ZNF511: variants seen among roughly 807,000 people sequenced by gnomAD.
ZNF511 encodes the protein zinc finger protein 511.
Under a neutral mutation model 24.8 loss-of-function variants are expected in ZNF511, and 26 were observed. That is an observed-to-expected ratio of 1.05 (90% CI 0.77 to 1.46). The LOEUF (loss-of-function observed/expected upper bound fraction) is 1.46, where lower values mean the gene tolerates loss of function less well. Ranked by LOEUF, ZNF511 falls within the 40% of genes most tolerant of loss-of-function variation. ZNF511 has a pLI of 0.00. For missense variants in ZNF511, 358 were observed against 345.0 expected, an observed-to-expected ratio of 1.04 and a Z score of -0.30; for synonymous variants, 144 against 139.6, an observed-to-expected ratio of 1.03 and a Z score of -0.22.
chr10:133,310,312 C>T lies in ZNF511; in HGVS notation c.554+24C>T, dbSNP rs1456513183. ...AGGTAGGGAGCCGCCAGGCTCAGCA[C>T]GTGTCTGCTTTTGATTTTAGGAAAA... On this transcript the variant is annotated intron_variant, in intron 4 of 5. Transcript: ENST00000361518. 5.0e-6 allele frequency: 8 copies of T among 1,612,654 alleles called. No homozygotes were observed. The Middle Eastern group carries it at 6.6e-4, about 133-fold the overall frequency.
rs554830924 is a variant in ZNF511, at chr10:133,309,063, C to T, written c.120C>T (p.Pro40=). 7.7e-6 allele frequency: 10 copies of T among 1,293,940 alleles called. No individual in the cohort carries two copies. The highest frequency in any genetic ancestry group is 6.0e-5 in the East Asian group (2 of 33,318). The allele number at this position is 1,293,940 out of a possible 1,614,324, so 80.2% of individuals were successfully genotyped here. A position where few individuals can be genotyped will look rare whatever the true frequency, so the allele number is the denominator to read the frequency against. ...CGCCCTTTCGCTTCGTTGCGCGCCC[C>T]GTGCGCTTCCCGCGGGAGCACCAGT... The part of the protein sequence containing the change: ...GAAPFRFVAR[P]VRFPREHQFF... The change falls in exon 1 of 6, where the codon CCC becomes CCT. Residue 40 remains proline, a synonymous_variant. Transcript: ENST00000361518.
intron 5 of ZNF511, chr10:133,312,056 C>G (rs1479830224): frequency 1.4e-6 from 2 of 1,478,936 alleles, no homozygotes; most frequent in African/African-American, 2.8e-5. Flanking sequence ...GCCATTGAAG[C>G]GCAGGAATGC....
rs1448392125 is a variant in ZNF511, at chr10:133,312,791, AC to A, written c.687del (p.Ser230LeufsTer72). On this transcript the variant is annotated frameshift_variant, in exon 6 of 6. Transcript: ENST00000361518. LOFTEE classifies it high-confidence loss of function. ...TAGAAACTTTCTTCCATCCCAGAAT[AC>A]CCTCTACCATCTGCTTTGGTCAGGG... ...GERRIYRHRI[P>X]STICFGQGAA... 3.1e-6 allele frequency: 5 copies of A among 1,614,186 alleles called. No individual in the cohort carries two copies. The Admixed American group carries it at 8.3e-5, about 27-fold the overall frequency.
Position 133,309,032 on chromosome 10 carries a change from G to T in ZNF511, c.89G>T (p.Gly30Val), listed in dbSNP as rs1484344799. ...CCTGTAGAGCGGGATCCCGCGGCTG[G>T]GGCCGCGCCCTTTCGCTTCGTTGCG... ...PLPVERDPAA[G>V]AAPFRFVARP... The change falls in exon 1 of 6, where the codon GGG (glycine) becomes GTG (valine). Residue 30 changes from glycine (G) to valine (V), a missense_variant. By Grantham distance (109) the Gly-to-Val change is moderately radical (BLOSUM62 -3). Transcript: ENST00000361518. 7.9e-7 allele frequency: 1 copy of T among 1,265,584 alleles called. No homozygotes were observed. Among genetic ancestry groups the T allele is most frequent in the African/African-American group, 1.5e-5 (1 of 64,654 alleles). The allele number at this position is 1,265,584 out of a possible 1,614,324, so 78.4% of individuals were successfully genotyped here.
In ZNF511 at chr10:133,310,297, C is replaced by T. The variant is rs369793749; in HGVS notation, c.554+9C>T. 1 of 1,613,728 alleles carries T rather than the reference C, an allele frequency of 6.2e-7. No homozygotes were observed. Among genetic ancestry groups the T allele is most frequent in the African/African-American group, 1.3e-5 (1 of 75,064 alleles). On this transcript the variant is annotated intron_variant, in intron 4 of 5. Coordinates refer to ENST00000361518, the MANE Select transcript of ZNF511 (RefSeq NM_145806.4). ...CCAAAGAAAAGCAGAAGGTAGGGAG[C>T]CGCCAGGCTCAGCACGTGTCTGCTT...
rs955802804 is a variant in ZNF511, at chr10:133,312,590, G to A, written c.681-198G>A. On this transcript the variant is annotated intron_variant, in intron 5 of 5. Transcript: ENST00000361518. ...AGTTCTTCCCAGCGGGTGTGCGTTG[G>A]TGGCTGGCGGGGACCCCCCACAGGA... 55 of 1,468,874 alleles carry A rather than the reference G, an allele frequency of 3.7e-5. No homozygotes were observed. The Middle Eastern group carries it at 1.5e-3, about 39-fold the overall frequency. The allele number at this position is 1,468,874 out of a possible 1,614,324, so 91.0% of individuals were successfully genotyped here.
At chr10:133,309,198 G>T in intron 1 of ZNF511, 102 bp downstream of exon 1, 1 of 1,374,736 alleles carries the variant, frequency 7.3e-7, no homozygotes, top group South Asian at 1.6e-5. Flanking sequence ...ACGACTGCGG[G>T]GCGGGGCCGG....
intron 4 of ZNF511, 78 bp from the exon 5 acceptor site, chr10:133,311,638 T>C (rs1231101957): frequency 2.4e-6 from 3 of 1,257,460 alleles, no homozygotes; most frequent in Non-Finnish European, 3.4e-6. Flanking sequence ...CCAGTTTCTT[T>C]CTTGCATGTT....
Position 133,312,781 on chromosome 10 carries a change from A to G in ZNF511, c.681-7A>G, listed in dbSNP as rs778814760. On this transcript the variant is annotated splice_polypyrimidine_tract_variant and splice_region_variant and intron_variant, in intron 5 of 5. Coordinates refer to ENST00000361518, the MANE Select transcript of ZNF511 (RefSeq NM_145806.4). ...CAGCATCTAATAGAAACTTTCTTCC[A>G]TCCCAGAATACCCTCTACCATCTGC... 7 of 1,614,114 alleles carry G rather than the reference A, an allele frequency of 4.3e-6. No homozygotes were observed. The South Asian group carries it at 7.7e-5, about 18-fold the overall frequency.
At chr10:133,311,583 A>G in intron 4 of ZNF511, 133 bp from the exon 5 acceptor site, 1 of 756,336 alleles carries the variant, frequency 1.3e-6, no homozygotes, top group Non-Finnish European at 2.1e-6. Flanking sequence ...CTATAAAATC[A>G]GACTATGCCA....
chr10:133,309,868 A>G lies in ZNF511; in HGVS notation c.320A>G (p.Asn107Ser), dbSNP rs1287844598. 3.7e-6 allele frequency: 6 copies of G among 1,613,770 alleles called. No homozygotes were observed. The Admixed American group carries it at 5.0e-5, about 13-fold the overall frequency. Residue 107 changes from asparagine (N) to serine (S), a missense_variant, in exon 3 of 6, where the codon AAT (asparagine) becomes AGT (serine). By Grantham distance (46) the Asn-to-Ser change is conservative. Coordinates refer to ENST00000361518, the MANE Select transcript of ZNF511 (RefSeq NM_145806.4). The stretch of plus-strand genomic sequence containing the variant: ...CACCACTACCACACGCTGCACGGAA[A>G]TGTTTGCTCCTTTTGCAAGCGGGCC... ...YEHHYHTLHG[N>S]VCSFCKRAFP...
rs1847914104 is a variant in ZNF511, at chr10:133,309,028, G to C, written c.85G>C (p.Ala29Pro). Residue 29 changes from alanine to proline, a missense_variant, in exon 1 of 6, where the codon GCT (alanine) becomes CCT (proline). Transcript: ENST00000361518. Reference sequence around the variant, plus strand: ...GCTGCCTGTAGAGCGGGATCCCGCGGCTGGGGCCGCGCCCTTTCGCTTCGT... The same window carrying C: ...GCTGCCTGTAGAGCGGGATCCCGCGCCTGGGGCCGCGCCCTTTCGCTTCGT... ...EPLPVERDPA[A>P]GAAPFRFVAR... is the part of the protein sequence containing the mutation. 2.4e-6 allele frequency: 3 copies of C among 1,263,486 alleles called. No homozygotes were observed. The highest frequency in any genetic ancestry group is 6.9e-5 in the South Asian group (2 of 28,986). The allele number at this position is 1,263,486 out of a possible 1,614,324, so 78.3% of individuals were successfully genotyped here. A position where few individuals can be genotyped will look rare whatever the true frequency, so the allele number is the denominator to read the frequency against.
intron 4 of ZNF511, among the ~76,000 whole-genome samples, chr10:133,310,829 T>A (rs1282601176): frequency 4.6e-5 from 7 of 151,222 alleles, no homozygotes; most frequent in Admixed American, 2.6e-4. Context: ...TGAGACAGGG[T>A]CTTGCTCTGA....
intron 1 of ZNF511, 110 bp from the exon 2 acceptor site, chr10:133,309,280 G>T (rs1847927104): frequency 2.1e-6 from 3 of 1,411,112 alleles, no homozygotes; most frequent in Admixed American, 4.2e-5. Flanking sequence ...CTGAGGCTGT[G>T]GGGCGGGACC....
intron 2 of ZNF511, 63 bp downstream of exon 2, chr10:133,309,526 G>C (rs1847937277): frequency 6.5e-7 from 1 of 1,543,486 alleles, no homozygotes; most frequent in South Asian, 1.2e-5. Context: ...CCGGTGCCTG[G>C]TCCCTGGGGC....
In ZNF511 at chr10:133,313,064, C is replaced by T; in HGVS notation, c.*198C>T. 2 of 1,395,330 alleles carry T rather than the reference C, an allele frequency of 1.4e-6. No individual in the cohort carries two copies. The highest frequency in any genetic ancestry group is 1.9e-6 in the Non-Finnish European group (2 of 1,064,870). 86.4% of individuals were successfully genotyped at this position (1,395,330 alleles called of 1,614,324 possible). A position where few individuals can be genotyped will look rare whatever the true frequency, so the allele number is the denominator to read the frequency against. ...CCACAGATTTTGGAAACGACCTGGACACACTATTGGGAAGGAGATGTGGAC... is the reference window on the plus strand; with the variant it reads ...CCACAGATTTTGGAAACGACCTGGATACACTATTGGGAAGGAGATGTGGAC... On this transcript the variant is annotated 3_prime_UTR_variant, in exon 6 of 6. Transcript: ENST00000361518.
At chr10:133,311,569 C>T (rs1589844114) in intron 4 of ZNF511, 147 bp from the exon 5 acceptor site, 1 of 666,632 alleles carries the variant, frequency 1.5e-6, no homozygotes, top group South Asian at 1.9e-5. Flanking sequence ...TATCTTAAAC[C>T]ACACTATAAA....
chr10:133,309,918 G>A lies in ZNF511; in HGVS notation c.370G>A (p.Ala124Thr). 2 of 1,613,568 alleles carry A rather than the reference G, an allele frequency of 1.2e-6. No individual in the cohort carries two copies. The highest frequency in any genetic ancestry group is 1.7e-6 in the Non-Finnish European group (2 of 1,180,022). ...CTTCCCTTCCGGACACCTGCTGGAC[G>A]CCCACATCCTGGAGTGGCACGATTC... ...RAFPSGHLLD[A>T]HILEWHDSLF... The change falls in exon 3 of 6, where the codon GCC becomes ACC. Residue 124 changes from alanine (A) to threonine (T), a missense_variant. Ala to Thr is a moderately conservative substitution (Grantham distance 58, BLOSUM62 0). Coordinates refer to ENST00000361518, the MANE Select transcript of ZNF511 (RefSeq NM_145806.4).
In ZNF511 at chr10:133,311,715, G is replaced by A. The variant is rs1315180294; in HGVS notation, c.555-1G>A. The A allele has an allele frequency of 1.2e-6, 2 of 1,611,694 alleles. No homozygotes were observed. The highest frequency in any genetic ancestry group is 2.2e-5 in the South Asian group (2 of 91,052). On this transcript the variant is annotated splice_acceptor_variant, in intron 4 of 5. Transcript: ENST00000361518. LOFTEE classifies it high-confidence loss of function. The stretch of plus-strand genomic sequence containing the variant: ...AGTTACTCACTGCTCTCTCCCCGCA[G>A]CCCAGCCTCAGCAGAAGCCCCAGGG...
Sources: allele counts gnomAD v4.1 joint callset (sites outside exome capture counted in the v4.1 genomes callset), GRCh38; gene constraint gnomAD v4.1.1; transcripts MANE v1.5; gene names NCBI Gene and HGNC (gene_info 2026-07-23, HGNC 2026-07-21).